Variants in TRPC7 observed in about 807,000 individuals in gnomAD.
TRPC7 encodes short transient receptor potential channel 7.
A neutral mutation model predicts 90.1 loss-of-function variants in TRPC7; 42 were observed. That is an observed-to-expected ratio of 0.47 (90% CI 0.36 to 0.60). TRPC7 has a LOEUF of 0.60. Among genes scored for constraint, TRPC7 ranks in the 20% least tolerant of loss-of-function variants. The pLI, the probability that TRPC7 is intolerant of heterozygous loss-of-function variation, is 0.00. For missense variants in TRPC7, 955 were observed against 1,112.3 expected (o/e 0.86, Z 2.01); for synonymous variants, 451 against 436.3 (o/e 1.03, Z -0.42).
intron 10 of TRPC7, among the ~76,000 whole-genome samples, chr5:136,224,721 C>T: frequency 6.6e-6 from 1 of 152,128 alleles, no homozygotes; most frequent in East Asian, 1.9e-4. Context: ...TCATCATCTC[C>T]CCTCCTGGGC....
At chr5:136,324,189 T>C (rs1202689818) in intron 2 of TRPC7, among the ~76,000 whole-genome samples, 1 of 152,174 alleles carries the variant, frequency 6.6e-6, no homozygotes, top group African/African-American at 2.4e-5. Context: ...CTAGTGCCTT[T>C]AGATTCTTTG....
intron 3 of TRPC7, among the ~76,000 whole-genome samples, chr5:136,275,336 G>T (rs1757330333): frequency 6.6e-6 from 1 of 151,416 alleles, no homozygotes; most frequent in South Asian, 2.1e-4. Flanking sequence ...ATTCTTATCT[G>T]CAAAACAGAG....
At chr5:136,329,146 A>G (rs933746629) in intron 2 of TRPC7, among the ~76,000 whole-genome samples, 4 of 152,212 alleles carry the variant, frequency 2.6e-5, no homozygotes, top group African/African-American at 9.6e-5. Flanking sequence ...GTGAAATCCC[A>G]GAAGTAATGG....
intron 3 of TRPC7, among the ~76,000 whole-genome samples, chr5:136,279,580 G>A (rs1322839217): frequency 6.6e-6 from 1 of 152,202 alleles, no homozygotes; most frequent in Non-Finnish European, 1.5e-5. Context: ...ATGGAAGGCT[G>A]AGTCAGCTTC....
rs556149127 is a variant in TRPC7, at chr5:136,321,711, A to C, written c.781-5932T>G. Among the ~76,000 whole-genome samples, 527 of 152,260 alleles carry C rather than the reference A, an allele frequency of 3.5e-3. 4 individuals are homozygous for C. Among genetic ancestry groups the C allele is most frequent in the Non-Finnish European group, 4.5e-3 (308 of 68,010 alleles). ...ACTGGCTCATGGGTAGGAGGAAAAC[A>C]AAAAAATACTGGATAAACTCTTGAC... is the stretch of plus-strand genomic sequence containing the variant. On this transcript the variant is annotated intron_variant, in intron 2 of 11. Coordinates refer to ENST00000513104, the MANE Select transcript of TRPC7 (RefSeq NM_020389.3).
chr5:136,361,675 T>C (rs1438497894), intron 1 of TRPC7, among the ~76,000 whole-genome samples: 4 of 152,160 alleles, frequency 2.6e-5, no homozygotes, highest in Non-Finnish European at 1.5e-5. Context: ...TCTATGGAAA[T>C]TATCCAAGCT....
chr5:136,287,425 G>A (rs974134794), intron 3 of TRPC7, among the ~76,000 whole-genome samples: 9 of 152,002 alleles, frequency 5.9e-5, no homozygotes, highest in Non-Finnish European at 1.3e-4. Context: ...TGTCTTCCGT[G>A]GGGTGGCAGA....
intron 3 of TRPC7, among the ~76,000 whole-genome samples, chr5:136,290,327 G>A (rs1220328075): frequency 1.3e-5 from 2 of 152,158 alleles, no homozygotes; most frequent in Admixed American, 1.3e-4. Context: ...GAAGGCTTCA[G>A]AAGATCAAAC....
intron 2 of TRPC7, among the ~76,000 whole-genome samples, chr5:136,317,942 G>A (rs1759074951): frequency 2.0e-5 from 3 of 152,152 alleles, no homozygotes; most frequent in South Asian, 4.1e-4. Context: ...CACTTCCCTG[G>A]GCTCTTTCAG....
chr5:136,252,148 T>C (rs912153189), intron 5 of TRPC7, among the ~76,000 whole-genome samples: 1 of 152,156 alleles, frequency 6.6e-6, no homozygotes, highest in African/African-American at 2.4e-5. Context: ...GGAGGGAATA[T>C]AGGAGAAATA....
intron 3 of TRPC7, among the ~76,000 whole-genome samples, chr5:136,279,351 T>C (rs181704008): frequency 6.6e-6 from 1 of 152,322 alleles, no homozygotes; most frequent in East Asian, 1.9e-4. Context: ...TGTCTCAGTC[T>C]CAGGGTGCAG....
rs765991425 is a variant in TRPC7 at position 136,356,913 on chromosome 5, T to C, written c.475A>G (p.Thr159Ala). The C allele has an allele frequency of 6.2e-7, 1 of 1,613,682 alleles. No homozygotes were observed. The highest frequency in any genetic ancestry group is 1.1e-5 in the South Asian group (1 of 91,080). Residue 159 changes from threonine to alanine, a missense_variant, in exon 2 of 12, where the codon ACG (threonine) becomes GCG (alanine). By Grantham distance (58) the Thr-to-Ala change is moderately conservative. Transcript: ENST00000513104. The stretch of plus-strand genomic sequence containing the variant: ...GGCGTGATGTCGTGGGAGAAGCGCG[T>C]GCCGTCCTCGTCGTAGGCATAGAAG... ...DDFYAYDEDG[T>A]RFSHDITPII...
intron 10 of TRPC7, among the ~76,000 whole-genome samples, chr5:136,224,399 C>T (rs1434707436): frequency 6.6e-6 from 1 of 152,200 alleles, no homozygotes; most frequent in Non-Finnish European, 1.5e-5. Context: ...TTTCTGACAA[C>T]AGACTTGGCA....
At chr5:136,224,368 A>T (rs988368034) in intron 10 of TRPC7, among the ~76,000 whole-genome samples, 1 of 152,230 alleles carries the variant, frequency 6.6e-6, no homozygotes, top group Non-Finnish European at 1.5e-5. Context: ...GATTGGAAGC[A>T]TAAAAGTTCT....
At chr5:136,245,979 C>T (rs753456855) in intron 7 of TRPC7, among the ~76,000 whole-genome samples, 1 of 152,172 alleles carries the variant, frequency 6.6e-6, no homozygotes, top group African/African-American at 2.4e-5. Context: ...TCGGTGCTAC[C>T]GATGGCTGGC....
intron 2 of TRPC7, among the ~76,000 whole-genome samples, chr5:136,328,042 T>G (rs550033042): frequency 6.6e-6 from 1 of 152,186 alleles, no homozygotes; most frequent in East Asian, 1.9e-4. Flanking sequence ...TGGATACAAT[T>G]AATTGTTTCA....
intron 3 of TRPC7, among the ~76,000 whole-genome samples, chr5:136,287,615 C>G (rs535631433): frequency 2.5e-4 from 34 of 134,396 alleles, no homozygotes; most frequent in Admixed American, 2.4e-3. Flanking sequence ...CCAGGAGGAA[C>G]GGGTTAATTC....
chr5:136,305,938 C>T (rs566606425), intron 3 of TRPC7, among the ~76,000 whole-genome samples: 1 of 152,328 alleles, frequency 6.6e-6, no homozygotes, highest in African/African-American at 2.4e-5. Flanking sequence ...TGGAATGCTA[C>T]AAGGTACAGC....
chr5:136,252,782 C>T (rs1756564550), intron 5 of TRPC7, among the ~76,000 whole-genome samples: 1 of 152,188 alleles, frequency 6.6e-6, no homozygotes, highest in Non-Finnish European at 1.5e-5. Flanking sequence ...GCTGATCTGA[C>T]AGGAGCTGGA....
Sources: allele counts gnomAD v4.1 joint callset (sites outside exome capture counted in the v4.1 genomes callset), GRCh38; gene constraint gnomAD v4.1.1; transcripts MANE v1.5; gene names NCBI Gene and HGNC (gene_info 2026-07-23, HGNC 2026-07-21).